The following TBX18 variants were observed in gnomAD, a reference collection of about 807,000 sequenced individuals.
The protein encoded by TBX18 is T-box transcription factor TBX18.
TBX18 carries 21 observed loss-of-function variants against 55.0 expected under a neutral mutation model. The ratio of observed to expected loss-of-function variants is 0.38; its 90% confidence interval spans 0.27 to 0.55. The LOEUF (loss-of-function observed/expected upper bound fraction) is 0.55, where lower values mean the gene tolerates loss of function less well. Ranked by LOEUF, TBX18 falls within the 20% of genes least tolerant of loss-of-function variation. The pLI, the probability that TBX18 is intolerant of heterozygous loss-of-function variation, is 0.73. For missense variants in TBX18, 840 were observed against 799.6 expected, an observed-to-expected ratio of 1.05 and a Z score of -0.61; for synonymous variants, 342 against 326.1, an observed-to-expected ratio of 1.05 and a Z score of -0.53.
rs1185783511 is a variant in TBX18, at chr6:84,761,209, C to CAG, written c.498-854_498-853insCT. ...TTTTTAAATATCATTTAATGACTTACGTTTAAGTCCCTTCCAAGGAAATCT... is the reference window on the plus strand; with the variant it reads ...TTTTTAAATATCATTTAATGACTTACAGGTTTAAGTCCCTTCCAAGGAAATCT... On this transcript the variant is annotated intron_variant, in intron 2 of 7. Transcript: ENST00000369663. Among the ~76,000 whole-genome samples, 25 of 152,142 alleles carry CAG rather than the reference C, an allele frequency of 1.6e-4. No homozygotes were observed. In the East Asian group the frequency reaches 4.2e-3, roughly 26 times the overall value.
chr6:84,756,571 A>T lies in TBX18; in HGVS notation c.771+127T>A, dbSNP rs1767493208. On this transcript the variant is annotated intron_variant, in intron 4 of 7. Transcript: ENST00000369663. ...CAAATATAAACTTGATTCTGCAAAG[A>T]CAGTGTACATACTAATCAATCAGGC... 5 of 877,440 alleles carry T rather than the reference A, an allele frequency of 5.7e-6. No homozygotes were observed. In the South Asian group the frequency reaches 9.2e-5, roughly 16 times the overall value. The allele number at this position is 877,440 out of a possible 1,614,324, so 54.4% of individuals were successfully genotyped here.
intron 2 of TBX18, among the ~76,000 whole-genome samples, chr6:84,762,248 T>G (rs1198978551): frequency 6.6e-6 from 1 of 152,056 alleles, no homozygotes; most frequent in Non-Finnish European, 1.5e-5. Flanking sequence ...GACCTCAAAT[T>G]TATAACCGCC....
Position 84,734,917 on chromosome 6 carries a change from A to G in TBX18, c.*1768T>C, listed in dbSNP as rs951199387. On this transcript the variant is annotated 3_prime_UTR_variant, in exon 8 of 8. Coordinates refer to ENST00000369663, the MANE Select transcript of TBX18 (RefSeq NM_001080508.3). ...TCATGTCCCTTCATGCTAGTTTTAA[A>G]TTTAAAAATTTAATACTAATTTGAT... is the stretch of plus-strand genomic sequence containing the variant. 6.6e-6 allele frequency: 1 copy of G among 152,208 alleles called. No homozygotes were observed. Among genetic ancestry groups the G allele is most frequent in the African/African-American group, 2.4e-5 (1 of 41,464 alleles). 9.4% of individuals were successfully genotyped at this position (152,208 alleles called of 1,614,324 possible).
intron 6 of TBX18, 65 bp from the exon 7 acceptor site, chr6:84,738,656 CA>C: frequency 8.2e-7 from 1 of 1,220,786 alleles, no homozygotes; most frequent in East Asian, 2.3e-5. Flanking sequence ...TTGGATCTTT[CA>C]CCAGCAGCAA....
In TBX18 at chr6:84,734,065, C is replaced by G. The variant is rs967684170; in HGVS notation, c.*2620G>C. ...TGGTCTTGATAGCAGCAACCTCACC[C>G]CATCGCGATGTCCCTTGGAATGTTT... On this transcript the variant is annotated 3_prime_UTR_variant, in exon 8 of 8. Coordinates refer to ENST00000369663, the MANE Select transcript of TBX18 (RefSeq NM_001080508.3). 6.6e-6 allele frequency: 1 copy of G among 152,136 alleles called. No individual in the cohort carries two copies. The highest frequency in any genetic ancestry group is 2.4e-5 in the African/African-American group (1 of 41,420). The allele number at this position is 152,136 out of a possible 1,614,324, so 9.4% of individuals were successfully genotyped here.
chr6:84,746,954 G>A (rs968373787), intron 5 of TBX18, among the ~76,000 whole-genome samples: 1 of 151,848 alleles, frequency 6.6e-6, no homozygotes, highest in African/African-American at 2.4e-5. Context: ...GGCAACATGA[G>A]TGTGAGAGGA....
At chr6:84,761,286 A>C (rs547905068) in intron 2 of TBX18, among the ~76,000 whole-genome samples, 1 of 152,278 alleles carries the variant, frequency 6.6e-6, no homozygotes, top group Admixed American at 6.5e-5. Flanking sequence ...TATTTACCAA[A>C]TTTTTTTCTA....
chr6:84,737,485 C>T, intron 7 of TBX18, 76 bp from the exon 8 acceptor site: 1 of 1,447,812 alleles, frequency 6.9e-7, no homozygotes, highest in South Asian at 1.6e-5. Flanking sequence ...ATGAGCTAGA[C>T]ACAGCTTGTT....
intron 4 of TBX18, among the ~76,000 whole-genome samples, chr6:84,750,067 C>T (rs1767303403): frequency 6.6e-6 from 1 of 152,078 alleles, no homozygotes; most frequent in Non-Finnish European, 1.5e-5. Context: ...GGGTGGATCA[C>T]AAGGTCAAGA....
chr6:84,736,097 C>A lies in TBX18; in HGVS notation c.*588G>T, dbSNP rs1304277337. ...TTATGGGTTATGATTTTTTTATAGACCCAAGGTCATATAGTATGTGTGGTA... is the reference window on the plus strand; with the variant it reads ...TTATGGGTTATGATTTTTTTATAGAACCAAGGTCATATAGTATGTGTGGTA... On this transcript the variant is annotated 3_prime_UTR_variant, in exon 8 of 8. Coordinates refer to ENST00000369663, the MANE Select transcript of TBX18 (RefSeq NM_001080508.3). 1 of 152,066 alleles carries A rather than the reference C, an allele frequency of 6.6e-6. No individual in the cohort carries two copies. The highest frequency in any genetic ancestry group is 1.5e-5 in the Non-Finnish European group (1 of 67,952). The allele number at this position is 152,066 out of a possible 1,614,324, so 9.4% of individuals were successfully genotyped here. A position where few individuals can be genotyped will look rare whatever the true frequency, so the allele number is the denominator to read the frequency against.
chr6:84,741,756 C>T (rs1223337524), intron 6 of TBX18: 1 of 152,130 alleles, frequency 6.6e-6, no homozygotes, highest in Non-Finnish European at 1.5e-5. Flanking sequence ...AACTTTTTCT[C>T]ATAGCTTCAC....
At chr6:84,756,442 C>T (rs1767488398) in intron 4 of TBX18, among the ~76,000 whole-genome samples, 1 of 152,182 alleles carries the variant, frequency 6.6e-6, no homozygotes, top group South Asian at 2.1e-4. Flanking sequence ...TTTTGCCTAA[C>T]AACATCTCTG....
Position 84,759,044 on chromosome 6 carries a change from A to G in TBX18, c.599+1211T>C, listed in dbSNP as rs998994756. Among the ~76,000 whole-genome samples, 3 of 152,148 alleles carry G rather than the reference A, an allele frequency of 2.0e-5. No individual in the cohort carries two copies. The South Asian group carries it at 6.2e-4, about 31-fold the overall frequency. On this transcript the variant is annotated intron_variant, in intron 3 of 7. Coordinates refer to ENST00000369663, the MANE Select transcript of TBX18 (RefSeq NM_001080508.3). ...GGAATAATTATTAAGCTTATTAAGA[A>G]TTATATTATCTTCCTCAGCACAAAA...
chr6:84,733,131 T>C lies in TBX18; in HGVS notation c.*3554A>G, dbSNP rs551310421. The C allele has an allele frequency of 2.3e-4, 35 of 152,292 alleles. No homozygotes were observed. The highest frequency in any genetic ancestry group is 9.2e-4 in the Admixed American group (14 of 15,300). The allele number at this position is 152,292 out of a possible 1,614,324, so 9.4% of individuals were successfully genotyped here. A position where few individuals can be genotyped will look rare whatever the true frequency, so the allele number is the denominator to read the frequency against. On this transcript the variant is annotated 3_prime_UTR_variant, in exon 8 of 8. Coordinates refer to ENST00000369663, the MANE Select transcript of TBX18 (RefSeq NM_001080508.3). ...GTTCAATGAAAAGAAAGCACATTAT[T>C]TGAAAATATATCAGCATGTAGAGGG... is the stretch of plus-strand genomic sequence containing the variant.
chr6:84,751,732 G>A (rs555560741), intron 4 of TBX18, among the ~76,000 whole-genome samples: 1 of 152,250 alleles, frequency 6.6e-6, no homozygotes, highest in Non-Finnish European at 1.5e-5. Flanking sequence ...ATTGAGGAGA[G>A]AAACAAAAGC....
At position 84,734,702 on chromosome 6, in the gene TBX18, T is replaced by C. The variant is rs928915217; in HGVS notation, c.*1983A>G. ...ATCAACGGCAAGAAGGAAAATGCTC[T>C]TATTAATACATATGGGTATAGAGCA... On this transcript the variant is annotated 3_prime_UTR_variant, in exon 8 of 8. Transcript: ENST00000369663. 6.6e-6 allele frequency: 1 copy of C among 152,642 alleles called. No homozygotes were observed. Among genetic ancestry groups the C allele is most frequent in the Non-Finnish European group, 1.5e-5 (1 of 68,040 alleles). 9.5% of individuals were successfully genotyped at this position (152,642 alleles called of 1,614,324 possible).
In TBX18 at chr6:84,736,219, A is replaced by G. The variant is rs1773935837; in HGVS notation, c.*466T>C. On this transcript the variant is annotated 3_prime_UTR_variant, in exon 8 of 8. Coordinates refer to ENST00000369663, the MANE Select transcript of TBX18 (RefSeq NM_001080508.3). Reference sequence around the variant, plus strand: ...ACTGGCTTTTGTATTTTAGATTCTCACACTGTGTCCAAGAATAACAGAAAT... The same window carrying G: ...ACTGGCTTTTGTATTTTAGATTCTCGCACTGTGTCCAAGAATAACAGAAAT... 2.0e-5 allele frequency: 3 copies of G among 152,710 alleles called. No homozygotes were observed. In the South Asian group the frequency reaches 6.2e-4, roughly 32 times the overall value. 9.5% of individuals were successfully genotyped at this position (152,710 alleles called of 1,614,324 possible).
intron 3 of TBX18, among the ~76,000 whole-genome samples, chr6:84,757,095 T>G (rs973710366): frequency 6.6e-6 from 1 of 152,218 alleles, no homozygotes; most frequent in African/African-American, 2.4e-5. Context: ...GTGAAAAATA[T>G]GCATACTATC....
intron 4 of TBX18, 91 bp downstream of exon 4, chr6:84,756,607 A>G (rs1767494553): frequency 8.2e-7 from 1 of 1,226,834 alleles, no homozygotes; most frequent in Non-Finnish European, 1.2e-6. Context: ...AATGAACATT[A>G]TGATCTTAGA....
Sources: gnomAD v4.1 joint callset for allele counts (sites outside exome capture counted in the v4.1 genomes callset) on GRCh38, gnomAD v4.1.1 for gene constraint, MANE v1.5 for transcripts, NCBI Gene and HGNC (gene_info 2026-07-23, HGNC 2026-07-21) for gene names.